The following TLE4 variants were observed in gnomAD, a reference collection of about 807,000 sequenced individuals.
TLE4 encodes TLE family member 4, transcriptional corepressor.
A neutral mutation model predicts 92.8 loss-of-function variants in TLE4; 8 were observed. That is an observed-to-expected ratio of 0.09 (90% CI 0.05 to 0.16). The LOEUF (loss-of-function observed/expected upper bound fraction) is 0.16. TLE4 is among the 10% of genes least tolerant of loss of function. TLE4 has a pLI of 1.00. For synonymous variants in TLE4, 371 were observed against 374.1 expected (o/e 0.99, Z 0.10); for missense variants, 675 against 997.6 (o/e 0.68, Z 4.36).
intron 5 of TLE4, among the ~76,000 whole-genome samples, chr9:79,618,041 C>A (rs2050072645): frequency 6.6e-6 from 1 of 152,154 alleles, no homozygotes; most frequent in Non-Finnish European, 1.5e-5. Context: ...TTAAGGTTGC[C>A]CTCTTTGCAG....
chr9:79,708,167 G>A lies in TLE4; in HGVS notation c.986G>A (p.Arg329Gln), dbSNP rs2072213703. The A allele has an allele frequency of 1.9e-6, 3 of 1,613,926 alleles. No individual in the cohort carries two copies. The highest frequency in any genetic ancestry group is 1.1e-5 in the South Asian group (1 of 91,076). The change falls in exon 12 of 20, where the codon CGA becomes CAA. Residue 329 changes from arginine (R) to glutamine (Q), a missense_variant. Transcript: ENST00000376552. ...TCAAAGTCCAATACCCCTACTCCAC[G>A]AACTGATGCGCCCACCCCAGGCAGT... ...PVSKSNTPTP[R>Q]TDAPTPGSNS...
chr9:79,700,788 G>T (rs1457046268), intron 8 of TLE4, among the ~76,000 whole-genome samples: 1 of 151,886 alleles, frequency 6.6e-6, no homozygotes, highest in African/African-American at 2.4e-5. Flanking sequence ...GCTTTCTCTG[G>T]ATCAGCCATT....
intron 4 of TLE4, among the ~76,000 whole-genome samples, chr9:79,603,198 A>C (rs1485853494): frequency 2.0e-5 from 3 of 152,218 alleles, no homozygotes; most frequent in African/African-American, 7.2e-5. Flanking sequence ...TAGTTGATAA[A>C]GCAGTGGCAG....
intron 5 of TLE4, among the ~76,000 whole-genome samples, chr9:79,623,972 T>G (rs2051783701): frequency 6.6e-6 from 1 of 152,046 alleles, no homozygotes. Context: ...CTGGTGCTAG[T>G]GCTGGCTTGG....
At chr9:79,585,415 A>G (rs1235287345) in intron 4 of TLE4, among the ~76,000 whole-genome samples, 1 of 152,182 alleles carries the variant, frequency 6.6e-6, no homozygotes, top group East Asian at 1.9e-4. Flanking sequence ...TATGTTTGGA[A>G]TACTCCACCA....
chr9:79,624,980 G>A (rs1247042302), intron 5 of TLE4, among the ~76,000 whole-genome samples: 2 of 149,900 alleles, frequency 1.3e-5, no homozygotes, highest in East Asian at 2.0e-4. Context: ...TTTCAGTTCC[G>A]AAGTTTTAAG....
At chr9:79,675,979 G>C (rs1469173316) in intron 8 of TLE4, among the ~76,000 whole-genome samples, 3 of 152,016 alleles carry the variant, frequency 2.0e-5, no homozygotes, top group Non-Finnish European at 4.4e-5. Context: ...CAAAAGTTTT[G>C]GACTTTGGAT....
chr9:79,656,225 A>T (rs2059759234), intron 8 of TLE4, among the ~76,000 whole-genome samples: 1 of 152,118 alleles, frequency 6.6e-6, no homozygotes, highest in African/African-American at 2.4e-5. Flanking sequence ...TGTTCCATCG[A>T]TCGTCCTCCC....
At chr9:79,724,926 G>T (rs1034700522) in intron 19 of TLE4, 111 bp from the exon 20 acceptor site, 2 of 650,840 alleles carry the variant, frequency 3.1e-6, no homozygotes, top group Non-Finnish European at 5.4e-6. Context: ...CCTTGACTGG[G>T]CTTTCTGTTT....
intron 5 of TLE4, among the ~76,000 whole-genome samples, chr9:79,618,083 G>A (rs1261142214): frequency 6.6e-6 from 1 of 152,196 alleles, no homozygotes; most frequent in Non-Finnish European, 1.5e-5. Context: ...CCCACAGATA[G>A]TTGTAAGGGA....
intron 8 of TLE4, among the ~76,000 whole-genome samples, chr9:79,669,213 G>C (rs912783344): frequency 7.9e-5 from 12 of 152,130 alleles, no homozygotes; most frequent in African/African-American, 2.9e-4. Context: ...GGTCAGTGGA[G>C]GTGGTTAGGC....
chr9:79,682,522 C>T (rs2064938214), intron 8 of TLE4, among the ~76,000 whole-genome samples: 1 of 152,120 alleles, frequency 6.6e-6, no homozygotes, highest in Non-Finnish European at 1.5e-5. Context: ...TTTGAGCCTT[C>T]CTGCATTCCT....
intron 7 of TLE4, chr9:79,653,027 C>T (rs1485366926): frequency 1.7e-6 from 1 of 577,132 alleles, no homozygotes; most frequent in Non-Finnish European, 3.3e-6. Context: ...TGGTTATTGC[C>T]TTTGATTTCT....
chr9:79,592,111 T>TTC (rs756272223), intron 4 of TLE4, among the ~76,000 whole-genome samples: 3 of 137,246 alleles, frequency 2.2e-5, no homozygotes, highest in Admixed American at 7.1e-5. Flanking sequence ...CTTCTTCTTC[T>TTC]TTCTTCTTTC....
chr9:79,584,335 C>G (rs1284127615), intron 4 of TLE4, among the ~76,000 whole-genome samples: 3 of 152,196 alleles, frequency 2.0e-5, no homozygotes, highest in African/African-American at 7.2e-5. Flanking sequence ...CTTCTACCCT[C>G]TCATTGCCTC....
chr9:79,573,168 G>A, intron 1 of TLE4: 1 of 887,968 alleles, frequency 1.1e-6, no homozygotes. Context: ...GCGCCCGGGC[G>A]GGGAGGGCGC....
rs1030032564 is a variant in TLE4 at position 79,572,115 on chromosome 9, T to C, written c.-676T>C. The C allele has an allele frequency of 3.3e-5, 5 of 151,536 alleles. No individual in the cohort carries two copies. Among genetic ancestry groups the C allele is most frequent in the Admixed American group, 1.3e-4 (2 of 15,220 alleles). 9.4% of individuals were successfully genotyped at this position (151,536 alleles called of 1,614,324 possible). On this transcript the variant is annotated 5_prime_UTR_variant, in exon 1 of 20. Transcript: ENST00000376552. ...AAAAAAAAAGCCGCAAGCGTTTCAC[T>C]CTTTTATTTTTATAATCCCCTTCAA...
intron 8 of TLE4, chr9:79,663,437 C>CA (rs1291200351): frequency 1.3e-5 from 2 of 152,182 alleles, no homozygotes; most frequent in Non-Finnish European, 2.9e-5. Context: ...TAGAAACTGC[C>CA]AAAACGGCAG....
At chr9:79,718,192 G>GT in intron 14 of TLE4, 5 of 399,916 alleles carry the variant, frequency 1.3e-5, no homozygotes, top group South Asian at 9.2e-5. Flanking sequence ...TTTTTTTTTG[G>GT]CACATCTGTC....
Sources: gnomAD v4.1 joint callset for allele counts (sites outside exome capture counted in the v4.1 genomes callset) on GRCh38, gnomAD v4.1.1 for gene constraint, MANE v1.5 for transcripts, NCBI Gene and HGNC (gene_info 2026-07-23, HGNC 2026-07-21) for gene names.